PPP1R9A: variants seen among roughly 807,000 people sequenced by gnomAD.
PPP1R9A encodes the protein protein phosphatase 1 regulatory subunit 9A, also known as neurabin-1.
Under a neutral mutation model 141.9 loss-of-function variants are expected in PPP1R9A, and 59 were observed. The observed-to-expected ratio is 0.42, with a 90% CI of 0.34 to 0.52. The LOEUF is 0.52. Ranked by LOEUF, PPP1R9A falls within the 20% of genes least tolerant of loss-of-function variation. The probability of loss-of-function intolerance (pLI) is 0.10; values close to 1 mark genes in which losing one functional copy is unlikely to be tolerated. For missense variants in PPP1R9A, 1,444 were observed against 1,611.9 expected, an observed-to-expected ratio of 0.90 and a Z score of 1.78; for synonymous variants, 500 against 569.7, an observed-to-expected ratio of 0.88 and a Z score of 1.74.
intron 16 of PPP1R9A, 142 bp from the exon 17 acceptor site, chr7:95,283,876 G>A: frequency 1.5e-6 from 1 of 677,716 alleles, no homozygotes; most frequent in Middle Eastern, 2.7e-4. Flanking sequence ...TAGTGTTGTA[G>A]TCAAAAGTGC....
chr7:95,212,937 T>G (rs1792442831), intron 7 of PPP1R9A, among the ~76,000 whole-genome samples: 1 of 152,114 alleles, frequency 6.6e-6, no homozygotes, highest in South Asian at 2.1e-4. Flanking sequence ...GGAATCCTAT[T>G]GATAGTAGTA....
Position 95,284,224 on chromosome 7 carries a change from A to G in PPP1R9A, c.3503A>G (p.Asn1168Ser). Residue 1168 changes from asparagine to serine, a missense_variant, in exon 17 of 20, where the codon AAC becomes AGC. By Grantham distance (46) the Asn-to-Ser change is conservative (BLOSUM62 1). Transcript: ENST00000433360. ...GATAAAAAGGGGTCCAAGGTAGAAA[A>G]CACATGGATTACAAAAGCAAACAAG... Reference protein sequence around the residue: ...ISDKKGSKVENTWITKANKRN... With the variant: ...ISDKKGSKVESTWITKANKRN... The G allele has an allele frequency of 6.4e-7, 1 of 1,567,690 alleles. No individual in the cohort carries two copies.
chr7:95,022,973 C>CA (rs1236812014), intron 2 of PPP1R9A, among the ~76,000 whole-genome samples: 5 of 152,150 alleles, frequency 3.3e-5, no homozygotes, highest in Non-Finnish European at 5.9e-5. Flanking sequence ...GTTTTGGTAT[C>CA]AGGATGATGC....
intron 2 of PPP1R9A, among the ~76,000 whole-genome samples, chr7:95,029,718 C>T (rs1161863569): frequency 6.6e-6 from 1 of 152,080 alleles, no homozygotes; most frequent in African/African-American, 2.4e-5. Flanking sequence ...TAATAAATCC[C>T]AGGGAAGAAA....
chr7:95,163,087 T>G (rs1320086109), intron 5 of PPP1R9A, among the ~76,000 whole-genome samples: 1 of 152,254 alleles, frequency 6.6e-6, no homozygotes, highest in Non-Finnish European at 1.5e-5. Flanking sequence ...TTCCCATGTC[T>G]GTATAGAACT....
rs146174616 is a variant in PPP1R9A at position 95,105,274 on chromosome 7, G to A, written c.1396-5985G>A. Among the ~76,000 whole-genome samples, 728 of 152,304 alleles carry A rather than the reference G, an allele frequency of 4.8e-3. 6 individuals are homozygous for A. The highest frequency in any genetic ancestry group is 0.016 in the African/African-American group (681 of 41,556). On this transcript the variant is annotated intron_variant, in intron 2 of 19. Transcript: ENST00000433360. ...TTCAAACTACTGAAAATGTATATAA[G>A]ATAATGATTCTAGTTGAAATCTTAA...
At chr7:95,092,791 T>A (rs1389751286) in intron 2 of PPP1R9A, among the ~76,000 whole-genome samples, 1 of 152,242 alleles carries the variant, frequency 6.6e-6, no homozygotes, top group African/African-American at 2.4e-5. Context: ...AGGATAGTCA[T>A]CTAATATTGG....
At chr7:95,008,141 ATTTTATGG>A (rs1166527830) in intron 2 of PPP1R9A, among the ~76,000 whole-genome samples, 1 of 152,102 alleles carries the variant, frequency 6.6e-6, no homozygotes, top group African/African-American at 2.4e-5. Context: ...AATAATGTCT[ATTTTATGG>A]TTTTATGGTA....
At chr7:94,964,062 A>T (rs188475792) in intron 2 of PPP1R9A, among the ~76,000 whole-genome samples, 4 of 152,272 alleles carry the variant, frequency 2.6e-5, no homozygotes, top group Admixed American at 2.6e-4. Context: ...CTGTGTTCTG[A>T]ATGCAACTTG....
chr7:95,080,175 A>G (rs1035587053), intron 2 of PPP1R9A, among the ~76,000 whole-genome samples: 10 of 152,342 alleles, frequency 6.6e-5, no homozygotes, highest in African/African-American at 2.4e-4. Context: ...ACATGATTGT[A>G]TAGCTAGAAA....
intron 2 of PPP1R9A, among the ~76,000 whole-genome samples, chr7:95,045,797 T>G (rs1809928262): frequency 6.6e-6 from 1 of 151,942 alleles, no homozygotes; most frequent in Admixed American, 6.6e-5. Flanking sequence ...GCCTGACATT[T>G]CTAGTAGGCG....
chr7:95,111,126 T>G, intron 2 of PPP1R9A, 133 bp from the exon 3 acceptor site: 1 of 1,005,278 alleles, frequency 9.9e-7, no homozygotes, highest in Non-Finnish European at 1.4e-6. Flanking sequence ...TCTTAACATC[T>G]CAATTGATTT....
chr7:95,147,920 G>A lies in PPP1R9A; in HGVS notation c.1650-13947G>A, dbSNP rs576642006. Among the ~76,000 whole-genome samples the A allele has an allele frequency of 4.9e-4, 74 of 152,164 alleles. 1 individual carries two copies. The highest frequency in any genetic ancestry group is 1.7e-3 in the African/African-American group (72 of 41,522). On this transcript the variant is annotated intron_variant, in intron 4 of 19. Transcript: ENST00000433360. Reference sequence around the variant, plus strand: ...TGCCAGTATTTTATTGAGGATTTTTGCATTGATGTTCATCAGGGATATTGG... The same window carrying A: ...TGCCAGTATTTTATTGAGGATTTTTACATTGATGTTCATCAGGGATATTGG...
At position 95,251,827 on chromosome 7, in the gene PPP1R9A, A is replaced by G. The variant is rs1798910748; in HGVS notation, c.2462A>G (p.His821Arg). 1.2e-6 allele frequency: 2 copies of G among 1,613,960 alleles called. No homozygotes were observed. Among genetic ancestry groups the G allele is most frequent in the South Asian group, 1.1e-5 (1 of 91,080 alleles). ...RKKIEDLEKA[H>R]LVEVQGLQVR... ...AAAATAGAAGATTTGGAAAAAGCTC[A>G]TCTTGTGGAAGTGCAAGGCCTCCAA... Residue 821 changes from histidine (H) to arginine (R), a missense_variant, in exon 11 of 20, where the codon CAT (histidine) becomes CGT (arginine). Physicochemically the swap from His to Arg is conservative, Grantham distance 29 (BLOSUM62 0). Around this residue, in one of 5 missense-constraint regions of PPP1R9A, gnomAD observed 488 missense variants for 542.0 expected, o/e 0.90. Transcript: ENST00000433360.
At chr7:94,975,151 C>G (rs915061886) in intron 2 of PPP1R9A, among the ~76,000 whole-genome samples, 1 of 152,028 alleles carries the variant, frequency 6.6e-6, no homozygotes, top group Non-Finnish European at 1.5e-5. Context: ...ATAACATACT[C>G]TGGTCTCAAA....
At chr7:95,158,240 G>A (rs1328913877) in intron 4 of PPP1R9A, among the ~76,000 whole-genome samples, 1 of 151,984 alleles carries the variant, frequency 6.6e-6, no homozygotes, top group East Asian at 1.9e-4. Flanking sequence ...AATGTTGTTT[G>A]GCCAGTTGTT....
chr7:95,129,517 T>C (rs982452747), intron 4 of PPP1R9A, among the ~76,000 whole-genome samples: 20 of 152,204 alleles, frequency 1.3e-4, no homozygotes, highest in Admixed American at 2.6e-4. Context: ...AACAGACTAA[T>C]ACCCCACAGA....
chr7:94,913,329 A>T (rs2150610860), intron 2 of PPP1R9A, among the ~76,000 whole-genome samples: 1 of 152,276 alleles, frequency 6.6e-6, no homozygotes, highest in African/African-American at 2.4e-5. Flanking sequence ...TTGAAGTTCA[A>T]CTAATTTGTG....
At chr7:95,011,120 C>G (rs1240648235) in intron 2 of PPP1R9A, among the ~76,000 whole-genome samples, 1 of 152,038 alleles carries the variant, frequency 6.6e-6, no homozygotes, top group Non-Finnish European at 1.5e-5. Flanking sequence ...ATATTACATC[C>G]AAAATACCTC....
Sources: allele counts gnomAD v4.1 joint callset (sites outside exome capture counted in the v4.1 genomes callset), GRCh38; gene constraint gnomAD v4.1.1; regional missense constraint gnomAD v4.1.1; transcripts MANE v1.5; gene names NCBI Gene and HGNC (gene_info 2026-07-23, HGNC 2026-07-21).